ADARB2: variants seen among roughly 807,000 people sequenced by gnomAD.
The protein encoded by ADARB2 is inactive double-stranded RNA-specific editase B2.
In ADARB2, 25 loss-of-function variants were observed where a neutral mutation model predicts 62.2. The observed-to-expected ratio is 0.40, with a 90% CI of 0.29 to 0.56. ADARB2 has a LOEUF of 0.56. ADARB2 is among the 20% of genes least tolerant of loss of function. The pLI, the probability that ADARB2 is intolerant of heterozygous loss-of-function variation, is 0.43. For missense variants in ADARB2, 1,071 were observed against 1,077.4 expected, an observed-to-expected ratio of 0.99 and a Z score of 0.08; for synonymous variants, 572 against 500.8, an observed-to-expected ratio of 1.14 and a Z score of -1.90.
At chr10:1,321,034 C>T (rs1339254246) in intron 3 of ADARB2, among the ~76,000 whole-genome samples, 1 of 152,188 alleles carries the variant, frequency 6.6e-6, no homozygotes, top group African/African-American at 2.4e-5. Context: ...AAAGTTCCTA[C>T]AACCTAAACA....
chr10:1,381,173 T>C (rs577395176), intron 1 of ADARB2, among the ~76,000 whole-genome samples: 34 of 151,588 alleles, frequency 2.2e-4, no homozygotes, highest in African/African-American at 8.2e-4. Flanking sequence ...TTTGTGCATA[T>C]ACACACACAC....
intron 1 of ADARB2, among the ~76,000 whole-genome samples, chr10:1,406,170 G>A (rs1488520305): frequency 1.3e-5 from 2 of 152,222 alleles, no homozygotes. Flanking sequence ...CGATGAGCTT[G>A]CTGAAGGATC....
chr10:1,561,725 C>T (rs1454828023), intron 1 of ADARB2, among the ~76,000 whole-genome samples: 1 of 152,124 alleles, frequency 6.6e-6, no homozygotes, highest in African/African-American at 2.4e-5. Context: ...CTAGAACTCC[C>T]CCCAGGTGGA....
intron 1 of ADARB2, among the ~76,000 whole-genome samples, chr10:1,381,981 G>C (rs1028590349): frequency 1.3e-5 from 2 of 152,174 alleles, no homozygotes; most frequent in African/African-American, 4.8e-5. Flanking sequence ...TGGGATAAAA[G>C]AGTGGATTTT....
intron 1 of ADARB2, among the ~76,000 whole-genome samples, chr10:1,637,501 A>G (rs1422100109): frequency 1.3e-5 from 2 of 152,216 alleles, no homozygotes; most frequent in South Asian, 4.1e-4. Context: ...ATTACCCTCA[A>G]TGCAGAATTT....
At chr10:1,359,717 C>T (rs540288583) in intron 3 of ADARB2, among the ~76,000 whole-genome samples, 21 of 152,320 alleles carry the variant, frequency 1.4e-4, no homozygotes, top group African/African-American at 3.8e-4. Context: ...AGACTCTTCC[C>T]GCCGCGGCCC....
intron 1 of ADARB2, chr10:1,526,607 C>G (rs898291826): frequency 1.2e-5 from 3 of 244,194 alleles, no homozygotes; most frequent in Non-Finnish European, 2.6e-5. Flanking sequence ...GCTCCCCTCC[C>G]CATCGGCCAC....
chr10:1,382,812 C>T (rs955678838), intron 1 of ADARB2, among the ~76,000 whole-genome samples: 5 of 151,900 alleles, frequency 3.3e-5, no homozygotes, highest in African/African-American at 9.7e-5. Context: ...CTGGGTAATG[C>T]CTAGAAGAGG....
At chr10:1,412,289 T>C (rs1040334124) in intron 1 of ADARB2, among the ~76,000 whole-genome samples, 1 of 152,142 alleles carries the variant, frequency 6.6e-6, no homozygotes, top group African/African-American at 2.4e-5. Flanking sequence ...TCGCAAACCC[T>C]GTTAAAGAGC....
chr10:1,270,708 C>A (rs539762277), intron 4 of ADARB2, among the ~76,000 whole-genome samples: 1 of 152,198 alleles, frequency 6.6e-6, no homozygotes, highest in Non-Finnish European at 1.5e-5. Flanking sequence ...GCTGGCCAGG[C>A]CCCCCAGAGA....
chr10:1,303,443 G>C (rs1360434835), intron 3 of ADARB2, among the ~76,000 whole-genome samples: 1 of 152,038 alleles, frequency 6.6e-6, no homozygotes, highest in Non-Finnish European at 1.5e-5. Flanking sequence ...AACCAAGTTG[G>C]AAAACACTCT....
rs200797624 is a variant in ADARB2, at chr10:1,510,063, CTCTT to C, written c.101-130907_101-130904del. Among the ~76,000 whole-genome samples, 1,462 of 150,130 alleles carry C rather than the reference CTCTT, an allele frequency of 9.7e-3. 40 individuals carry two copies. Among genetic ancestry groups the C allele is most frequent in the African/African-American group, 0.032 (1,275 of 40,430 alleles). ...TTTTCTCTCTCTTCTCTCTCTCTCA[CTCTT>C]TCTTTCTTTCTCTTTCTCTCTCTCT... On this transcript the variant is annotated intron_variant, in intron 1 of 9. Coordinates refer to ENST00000381312, the MANE Select transcript of ADARB2 (RefSeq NM_018702.4).
intron 1 of ADARB2, among the ~76,000 whole-genome samples, chr10:1,483,806 T>C (rs1458608205): frequency 6.6e-6 from 1 of 150,866 alleles, no homozygotes; most frequent in Middle Eastern, 3.2e-3. Context: ...GCCATAACCA[T>C]TTCAACTTTC....
intron 1 of ADARB2, among the ~76,000 whole-genome samples, chr10:1,671,888 T>TG (rs369808591): frequency 1.2e-3 from 175 of 151,930 alleles, no homozygotes; most frequent in African/African-American, 4.0e-3. Flanking sequence ...TCACTTGCAC[T>TG]GGGGGGGAGT....
intron 1 of ADARB2, among the ~76,000 whole-genome samples, chr10:1,499,966 A>G (rs549889713): frequency 6.6e-6 from 1 of 152,370 alleles, no homozygotes; most frequent in Admixed American, 6.5e-5. Flanking sequence ...CTACATGAAG[A>G]AGTGATTTTG....
intron 6 of ADARB2, 61 bp downstream of exon 6, chr10:1,233,633 G>A: frequency 1.3e-6 from 2 of 1,539,266 alleles, no homozygotes; most frequent in East Asian, 2.3e-5. Flanking sequence ...CCAGGACAGA[G>A]TCCCAGATAG....
intron 1 of ADARB2, among the ~76,000 whole-genome samples, chr10:1,715,600 C>T (rs1835007427): frequency 6.6e-6 from 1 of 152,208 alleles, no homozygotes; most frequent in African/African-American, 2.4e-5. Context: ...CTCATCTGGC[C>T]TTCTTCTATC....
At chr10:1,374,160 C>T (rs1330375863) in intron 2 of ADARB2, among the ~76,000 whole-genome samples, 2 of 152,140 alleles carry the variant, frequency 1.3e-5, no homozygotes, top group Non-Finnish European at 2.9e-5. Flanking sequence ...TCTTTGTGGG[C>T]GGCACCAGGT....
intron 3 of ADARB2, among the ~76,000 whole-genome samples, chr10:1,320,502 G>A (rs1831785516): frequency 6.6e-6 from 1 of 152,214 alleles, no homozygotes; most frequent in African/African-American, 2.4e-5. Flanking sequence ...TCTCCTTGGT[G>A]AAGGCAAAGT....
Sources: allele counts gnomAD v4.1 joint callset (sites outside exome capture counted in the v4.1 genomes callset), GRCh38; gene constraint gnomAD v4.1.1; transcripts MANE v1.5; gene names NCBI Gene and HGNC (gene_info 2026-07-23, HGNC 2026-07-21).